DIAPH2: variants seen among roughly 807,000 people sequenced by gnomAD.
The protein encoded by DIAPH2 is diaphanous related formin 2.
DIAPH2 carries 35 observed loss-of-function variants against 92.7 expected under a neutral mutation model. The ratio of observed to expected loss-of-function variants is 0.38; its 90% confidence interval spans 0.29 to 0.50. The LOEUF is 0.50. Ranked by LOEUF, DIAPH2 falls within the 20% of genes least tolerant of loss-of-function variation. The pLI is 0.94. For missense variants in DIAPH2, 701 were observed against 819.5 expected (o/e 0.86, Z 1.77); for synonymous variants, 301 against 280.4 (o/e 1.07, Z -0.73).
At position 96,962,312 on chromosome X, in the gene DIAPH2, C is replaced by CACATATATATATACAT. The variant is rs771291576; in HGVS notation, c.1936-2780_1936-2779insCATATATATATACATA. ...ATATATATATATACATATATATATA[C>CACATATATATATACAT]ATATATATATACACATATATATATA... On this transcript the variant is annotated intron_variant, in intron 16 of 26. Transcript: ENST00000324765. Among the ~76,000 whole-genome samples the CACATATATATATACAT allele has an allele frequency of 2.2e-4, 13 of 59,506 alleles. 1 individual carries two copies. Among genetic ancestry groups the CACATATATATATACAT allele is most frequent in the African/African-American group, 9.3e-4 (12 of 12,870 alleles). The allele number at this position is 59,506 out of a possible 115,157, so 51.7% of individuals were successfully genotyped here.
At chrX:97,412,500 A>G (rs1034838229) in intron 25 of DIAPH2, among the ~76,000 whole-genome samples, 3 of 111,953 alleles carry the variant, frequency 2.7e-5, no homozygotes, top group African/African-American at 9.7e-5. Context: ...AGAACTAGAG[A>G]AGCAAGAGGA....
chrX:97,566,657 C>T (rs982078223), intron 26 of DIAPH2, among the ~76,000 whole-genome samples: 5 of 111,822 alleles, frequency 4.5e-5, no homozygotes, highest in African/African-American at 1.6e-4. Flanking sequence ...AAAAATTTTA[C>T]ATAGTAAATC....
At chrX:96,999,041 C>G (rs1448544490) in intron 17 of DIAPH2, among the ~76,000 whole-genome samples, 1 of 111,775 alleles carries the variant, frequency 8.9e-6, no homozygotes, top group East Asian at 2.8e-4. Flanking sequence ...TCTTTGTCAT[C>G]TGTCTTCAGG....
intron 4 of DIAPH2, among the ~76,000 whole-genome samples, chrX:96,812,846 A>T (rs1038928155): frequency 8.9e-6 from 1 of 111,748 alleles, no homozygotes; most frequent in East Asian, 2.8e-4. Flanking sequence ...TGAGTTTCTT[A>T]ATCCTGTGTC....
chrX:97,281,867 G>A (rs2068500597), intron 23 of DIAPH2, among the ~76,000 whole-genome samples: 1 of 111,669 alleles, frequency 9.0e-6, no homozygotes, highest in African/African-American at 3.3e-5. Flanking sequence ...TTAGCTTGAT[G>A]TATAATGAAA....
intron 20 of DIAPH2, among the ~76,000 whole-genome samples, chrX:97,103,687 A>G (rs2066920528): frequency 9.0e-6 from 1 of 111,543 alleles, no homozygotes; most frequent in Non-Finnish European, 1.9e-5. Context: ...CCTTAGTAGG[A>G]TGTTTCTAGA....
chrX:97,013,024 C>T (rs1241517816), intron 17 of DIAPH2, among the ~76,000 whole-genome samples: 1 of 112,262 alleles, frequency 8.9e-6, no homozygotes, highest in Non-Finnish European at 1.9e-5. Flanking sequence ...CTGCCTCTCT[C>T]AACTTAGCTA....
chrX:97,002,358 G>A (rs1025404590), intron 17 of DIAPH2, among the ~76,000 whole-genome samples: 4 of 110,849 alleles, frequency 3.6e-5, no homozygotes, highest in Middle Eastern at 4.7e-3. Context: ...AGTGGAACAC[G>A]TATGATCAAA....
At chrX:97,106,412 T>A (rs916146412) in intron 20 of DIAPH2, among the ~76,000 whole-genome samples, 2 of 111,745 alleles carry the variant, frequency 1.8e-5, no homozygotes, top group Non-Finnish European at 3.8e-5. Flanking sequence ...TCCCTCTTAC[T>A]AACTTCTTAT....
intron 17 of DIAPH2, among the ~76,000 whole-genome samples, chrX:97,054,734 C>T (rs2066544172): frequency 9.0e-6 from 1 of 111,222 alleles, no homozygotes; most frequent in Non-Finnish European, 1.9e-5. Context: ...TTAAAAGGTA[C>T]TAAATTCCCT....
chrX:96,761,898 G>C (rs370773903), intron 4 of DIAPH2, among the ~76,000 whole-genome samples: 1 of 111,214 alleles, frequency 9.0e-6, no homozygotes. Flanking sequence ...ATCACTGCTT[G>C]TAAATAGTCT....
At chrX:97,356,349 T>TAG (rs1166249743) in intron 24 of DIAPH2, among the ~76,000 whole-genome samples, 1 of 111,493 alleles carries the variant, frequency 9.0e-6, no homozygotes, top group African/African-American at 3.3e-5. Flanking sequence ...TTCATGCAAA[T>TAG]AGAGCCCTAA....
chrX:97,181,731 A>T, intron 22 of DIAPH2, among the ~76,000 whole-genome samples: 1 of 112,590 alleles, frequency 8.9e-6, no homozygotes, highest in Non-Finnish European at 1.9e-5. Context: ...TTTTTAACAA[A>T]GGCCTTCCTT....
intron 10 of DIAPH2, among the ~76,000 whole-genome samples, chrX:96,935,137 AAC>A (rs2065648849): frequency 8.9e-6 from 1 of 111,981 alleles, no homozygotes; most frequent in Non-Finnish European, 1.9e-5. Flanking sequence ...CATAATTAAT[AAC>A]AGTGTGTTTC....
At chrX:96,819,266 G>A (rs189849986) in intron 4 of DIAPH2, among the ~76,000 whole-genome samples, 2 of 112,589 alleles carry the variant, frequency 1.8e-5, no homozygotes, top group Admixed American at 1.9e-4. Flanking sequence ...TCTTTGAAAA[G>A]TAACTGATTA....
At chrX:97,563,501 C>T (rs2071307217) in intron 26 of DIAPH2, among the ~76,000 whole-genome samples, 1 of 111,718 alleles carries the variant, frequency 9.0e-6, no homozygotes, top group Non-Finnish European at 1.9e-5. Flanking sequence ...TAATATTTCT[C>T]TCTCAGCTCC....
chrX:97,366,300 A>G (rs1428191988), intron 24 of DIAPH2, among the ~76,000 whole-genome samples: 2 of 111,566 alleles, frequency 1.8e-5, no homozygotes, highest in African/African-American at 3.3e-5. Flanking sequence ...CCACCTTTTC[A>G]AGATCTTTCA....
At chrX:96,728,546 A>C (rs2064036241) in intron 1 of DIAPH2, among the ~76,000 whole-genome samples, 1 of 112,146 alleles carries the variant, frequency 8.9e-6, no homozygotes, top group South Asian at 3.7e-4. Flanking sequence ...TTAGACTGTA[A>C]ATGCCTTAAG....
At chrX:97,239,119 A>G (rs753232755) in intron 22 of DIAPH2, among the ~76,000 whole-genome samples, 97 of 112,127 alleles carry the variant, frequency 8.7e-4, no homozygotes, top group Non-Finnish European at 7.3e-4. Context: ...ATATTTACAT[A>G]GAATTACACA....
Sources: gnomAD v4.1 joint callset for allele counts (sites outside exome capture counted in the v4.1 genomes callset) on GRCh38, gnomAD v4.1.1 for gene constraint, MANE v1.5 for transcripts, NCBI Gene and HGNC (gene_info 2026-07-23, HGNC 2026-07-21) for gene names.